Variants in PIK3CB observed in about 807,000 individuals in gnomAD.
PIK3CB encodes the protein phosphatidylinositol 4,5-bisphosphate 3-kinase catalytic subunit beta isoform.
Under a neutral mutation model 136.8 loss-of-function variants are expected in PIK3CB, and 39 were observed. The observed-to-expected ratio is 0.29, with a 90% CI of 0.22 to 0.37. PIK3CB has a LOEUF of 0.37. Ranked by LOEUF, PIK3CB falls within the 10% of genes least tolerant of loss-of-function variation. The pLI is 1.00. For missense variants in PIK3CB, 868 were observed against 1,275.4 expected (o/e 0.68, Z 4.87); for synonymous variants, 428 against 436.6 (o/e 0.98, Z 0.25).
intron 1 of PIK3CB, among the ~76,000 whole-genome samples, chr3:138,799,176 CTTT>C (rs1157343453): frequency 1.5e-5 from 2 of 130,954 alleles, no homozygotes; most frequent in Admixed American, 7.7e-5. Flanking sequence ...TCAAATCTTA[CTTT>C]TTTTTTTTTT....
chr3:138,765,768 C>G (rs1310362619), intron 2 of PIK3CB, among the ~76,000 whole-genome samples: 1 of 151,646 alleles, frequency 6.6e-6, no homozygotes. Context: ...ATGGGAGAAT[C>G]ACCTGAGCCC....
intron 2 of PIK3CB, among the ~76,000 whole-genome samples, chr3:138,765,036 T>A (rs890692125): frequency 1.3e-5 from 2 of 152,156 alleles, no homozygotes; most frequent in African/African-American, 4.8e-5. Context: ...ACAGAATTTG[T>A]AAGAAGGAGG....
chr3:138,679,006 C>A (rs1424765110), intron 19 of PIK3CB, among the ~76,000 whole-genome samples: 1 of 152,056 alleles, frequency 6.6e-6, no homozygotes, highest in Non-Finnish European at 1.5e-5. Flanking sequence ...GCAGAGATTG[C>A]AGTGAGCTGA....
intron 21 of PIK3CB, among the ~76,000 whole-genome samples, chr3:138,662,274 G>C (rs187246): frequency 1.6e-4 from 18 of 112,684 alleles, no homozygotes; most frequent in South Asian, 6.9e-4. Context: ...CCCCCACCCC[G>C]CAACAGTCCC....
At position 138,805,393 on chromosome 3, in the gene PIK3CB, G is replaced by A. The variant is rs148920092; in HGVS notation, c.-121-8826C>T. ...TTTATTAAAAACAGAATTAGGGGTC[G>A]GGCACGGTGGCTCACGACTGTAATC... is the stretch of plus-strand genomic sequence containing the variant. On this transcript the variant is annotated intron_variant, in intron 1 of 23. Coordinates refer to ENST00000674063, the MANE Select transcript of PIK3CB (RefSeq NM_006219.3). Among the ~76,000 whole-genome samples, 5 of 150,762 alleles carry A rather than the reference G, an allele frequency of 3.3e-5. No individual in the cohort carries two copies. In the South Asian group the frequency reaches 6.3e-4, roughly 19 times the overall value.
intron 2 of PIK3CB, among the ~76,000 whole-genome samples, chr3:138,762,456 C>G (rs2045675666): frequency 6.6e-6 from 1 of 152,144 alleles, no homozygotes; most frequent in Non-Finnish European, 1.5e-5. Flanking sequence ...GGTCTCTATA[C>G]TCAGGAACTC....
chr3:138,826,705 CACAT>C (rs1576436065), intron 1 of PIK3CB, among the ~76,000 whole-genome samples: 1 of 151,510 alleles, frequency 6.6e-6, no homozygotes, highest in East Asian at 1.9e-4. Flanking sequence ...ATTCTTACAA[CACAT>C]ACACTCTCTC....
At chr3:138,740,713 C>T (rs1248881489) in intron 5 of PIK3CB, among the ~76,000 whole-genome samples, 4 of 151,788 alleles carry the variant, frequency 2.6e-5, no homozygotes, top group South Asian at 4.2e-4. Context: ...AGTGTGGTGG[C>T]GCAATCTGGG....
chr3:138,775,187 G>C (rs1172372630), intron 2 of PIK3CB, among the ~76,000 whole-genome samples: 1 of 152,210 alleles, frequency 6.6e-6, no homozygotes, highest in Non-Finnish European at 1.5e-5. Flanking sequence ...AGAGGACACA[G>C]AGAGTCCAGA....
chr3:138,832,325 G>A (rs765823850), intron 1 of PIK3CB, among the ~76,000 whole-genome samples: 1 of 152,070 alleles, frequency 6.6e-6, no homozygotes, highest in Non-Finnish European at 1.5e-5. Flanking sequence ...TGTGAATCAG[G>A]GGTGTAAATT....
At chr3:138,760,256 A>G (rs1167763636) in intron 2 of PIK3CB, among the ~76,000 whole-genome samples, 1 of 152,050 alleles carries the variant, frequency 6.6e-6, no homozygotes, top group East Asian at 1.9e-4. Flanking sequence ...CTCACGGCCC[A>G]TCCCCTAAGC....
rs61755417 is a variant in PIK3CB, at chr3:138,733,399, C to T, written c.1012G>A (p.Val338Ile). Residue 338 changes from valine (V) to isoleucine (I), a missense_variant, in exon 8 of 24, where the codon GTT (valine) becomes ATT (isoleucine). This residue lies in a region of PIK3CB where 612 missense variants were observed against 801.1 expected (regional missense o/e 0.76). Coordinates refer to ENST00000674063, the MANE Select transcript of PIK3CB (RefSeq NM_006219.3). The stretch of plus-strand genomic sequence containing the variant: ...TCTGTGTTAAGTTTATTTCCCTTAA[C>T]CAAGACAATTTGGAAAGGGTTGTTA... ...ENNNPFQIVL[V>I]KGNKLNTEET... 193 of 1,570,076 alleles carry T rather than the reference C, an allele frequency of 1.2e-4. No homozygotes were observed. Among genetic ancestry groups the T allele is most frequent in the Non-Finnish European group, 1.6e-4 (180 of 1,143,298 alleles).
At chr3:138,706,845 A>G (rs2044387934) in intron 11 of PIK3CB, among the ~76,000 whole-genome samples, 1 of 152,148 alleles carries the variant, frequency 6.6e-6, no homozygotes, top group Non-Finnish European at 1.5e-5. Flanking sequence ...TAGTAGAGAC[A>G]GGGCTTCTCC....
chr3:138,713,598 G>A (rs1488022833), intron 9 of PIK3CB, among the ~76,000 whole-genome samples: 1 of 152,088 alleles, frequency 6.6e-6, no homozygotes, highest in Non-Finnish European at 1.5e-5. Context: ...TTGATCCCGG[G>A]AGGCGGAAGT....
chr3:138,688,831 T>C (rs1051740440), intron 16 of PIK3CB, 44 bp downstream of exon 16: 2 of 1,186,920 alleles, frequency 1.7e-6, no homozygotes, highest in Non-Finnish European at 2.5e-6. Context: ...TTAAACGTTG[T>C]CTGTCAAAAA....
intron 9 of PIK3CB, among the ~76,000 whole-genome samples, chr3:138,712,805 G>A (rs2044531665): frequency 6.6e-6 from 1 of 152,142 alleles, no homozygotes; most frequent in Admixed American, 6.6e-5. Flanking sequence ...GACCTCAGGT[G>A]ATCCACCTAC....
intron 19 of PIK3CB, among the ~76,000 whole-genome samples, chr3:138,670,701 A>G (rs1234258080): frequency 1.3e-5 from 2 of 152,184 alleles, no homozygotes; most frequent in African/African-American, 2.4e-5. Context: ...TCTATGCAGT[A>G]TACCTTATGA....
intron 2 of PIK3CB, among the ~76,000 whole-genome samples, chr3:138,781,577 C>T (rs1170128946): frequency 1.3e-5 from 2 of 152,072 alleles, no homozygotes; most frequent in South Asian, 2.1e-4. Context: ...CTCAGACTCC[C>T]GAGCAGCTGG....
chr3:138,785,803 C>G (rs1457058489), intron 2 of PIK3CB, among the ~76,000 whole-genome samples: 1 of 149,398 alleles, frequency 6.7e-6, no homozygotes, highest in Non-Finnish European at 1.5e-5. Context: ...CGAGAAACAC[C>G]CAAGAATGAT....
Sources: gnomAD v4.1 joint callset for allele counts (sites outside exome capture counted in the v4.1 genomes callset) on GRCh38, gnomAD v4.1.1 for gene constraint, gnomAD v4.1.1 regional missense constraint, MANE v1.5 for transcripts, NCBI Gene and HGNC (gene_info 2026-07-23, HGNC 2026-07-21) for gene names.